UGGT2: variants seen among roughly 807,000 people sequenced by gnomAD.
The protein encoded by UGGT2 is UDP-glucose:glycoprotein glucosyltransferase 2.
A neutral mutation model predicts 192.1 loss-of-function variants in UGGT2; 180 were observed. That is an observed-to-expected ratio of 0.94 (90% CI 0.83 to 1.06). The LOEUF (loss-of-function observed/expected upper bound fraction) is 1.06. UGGT2 is among the 50% of genes least tolerant of loss of function. The probability of loss-of-function intolerance (pLI) is 0.00; values close to 1 mark genes in which losing one functional copy is unlikely to be tolerated. For synonymous variants in UGGT2, 580 were observed against 591.0 expected (o/e 0.98, Z 0.27); for missense variants, 1,849 against 1,795.7 (o/e 1.03, Z -0.54).
intron 26 of UGGT2, 128 bp downstream of exon 26, chr13:95,887,764 C>T (rs1421915294): frequency 4.9e-6 from 3 of 607,444 alleles, no homozygotes; most frequent in Non-Finnish European, 8.8e-6. Context: ...AATAGTCTGA[C>T]CTTCTGACTT....
At chr13:95,816,987 C>T (rs1884965431) in intron 38 of UGGT2, among the ~76,000 whole-genome samples, 2 of 152,088 alleles carry the variant, frequency 1.3e-5, no homozygotes, top group South Asian at 4.1e-4. Flanking sequence ...ATTATCCAGG[C>T]ATGTTGGCAC....
In UGGT2 at chr13:96,023,200, T is replaced by C. The variant is rs763713297; in HGVS notation, c.373-48A>G. ...TAGCTACAGCAGTTGATAATTACAA[T>C]ATGATTTTAAAACCCTCACACATTA... On this transcript the variant is annotated intron_variant, in intron 3 of 38. Transcript: ENST00000376747. 10 of 1,471,204 alleles carry C rather than the reference T, an allele frequency of 6.8e-6. No individual in the cohort carries two copies. In the African/African-American group the frequency reaches 8.5e-5, roughly 12 times the overall value. 91.1% of individuals were successfully genotyped at this position (1,471,204 alleles called of 1,614,324 possible).
intron 36 of UGGT2, among the ~76,000 whole-genome samples, chr13:95,842,424 T>C (rs1007214669): frequency 1.3e-5 from 2 of 152,222 alleles, no homozygotes. Context: ...CTTTTTACTA[T>C]TGAGTAGTAT....
chr13:95,930,899 A>G (rs1441690187), intron 17 of UGGT2, among the ~76,000 whole-genome samples: 1 of 152,184 alleles, frequency 6.6e-6, no homozygotes, highest in Non-Finnish European at 1.5e-5. Flanking sequence ...TGAGTGTTAC[A>G]GCTCTCAAAG....
Position 95,938,063 on chromosome 13 carries a change from C to T in UGGT2, c.1813-975G>A, listed in dbSNP as rs141274094. Among the ~76,000 whole-genome samples, 14 of 152,314 alleles carry T rather than the reference C, an allele frequency of 9.2e-5. 1 individual carries two copies. The highest frequency in any genetic ancestry group is 3.4e-4 in the African/African-American group (14 of 41,576). ...GGAATTTCCCTGCACAAGTTCTCTT[C>T]TCTTGTCTGCCATCATGTGAGACAT... On this transcript the variant is annotated intron_variant, in intron 16 of 38. Coordinates refer to ENST00000376747, the MANE Select transcript of UGGT2 (RefSeq NM_020121.4).
intron 5 of UGGT2, among the ~76,000 whole-genome samples, chr13:96,011,493 C>G (rs2052160738): frequency 6.6e-6 from 1 of 151,928 alleles, no homozygotes; most frequent in Non-Finnish European, 1.5e-5. Context: ...GTACCTAGAA[C>G]AGCTATAATA....
At chr13:95,845,494 T>C (rs539025644) in intron 36 of UGGT2, among the ~76,000 whole-genome samples, 1 of 151,364 alleles carries the variant, frequency 6.6e-6, no homozygotes, top group South Asian at 2.1e-4. Flanking sequence ...GGGGTAAGGT[T>C]ATAGATTAAC....
intron 2 of UGGT2, among the ~76,000 whole-genome samples, chr13:96,026,879 G>A (rs2052686249): frequency 6.6e-6 from 1 of 151,778 alleles, no homozygotes; most frequent in South Asian, 2.1e-4. Flanking sequence ...CACCTTGTTA[G>A]CCAGGATGGT....
At chr13:95,845,275 T>TA (rs1888280167) in intron 36 of UGGT2, among the ~76,000 whole-genome samples, 1 of 151,340 alleles carries the variant, frequency 6.6e-6, no homozygotes, top group African/African-American at 2.4e-5. Context: ...GGTCAGCAGA[T>TA]AAACTTGTGA....
intron 1 of UGGT2, among the ~76,000 whole-genome samples, chr13:96,032,998 A>T (rs561668015): frequency 7.9e-5 from 12 of 152,216 alleles, no homozygotes; most frequent in Non-Finnish European, 1.8e-4. Flanking sequence ...CCACAGGTAA[A>T]AACTTCTTCC....
chr13:95,940,559 C>A (rs570593408), intron 15 of UGGT2, among the ~76,000 whole-genome samples: 104 of 150,046 alleles, frequency 6.9e-4, no homozygotes, highest in Non-Finnish European at 1.2e-3. Context: ...CTCAAGCAAT[C>A]CTCCCACCTA....
In UGGT2 at chr13:95,837,140, C is replaced by A; in HGVS notation, c.4347G>T (p.Trp1449Cys). The A allele has an allele frequency of 6.2e-7, 1 of 1,614,028 alleles. No individual in the cohort carries two copies. The part of the protein sequence containing the change: ...AIKSLPQDWL[W>C]CETWCDDESK... ...ATTCATCATCACACCAGGTTTCACA[C>A]CACAGCCAGTCTTGAGGAAGAGACT... The change falls in exon 37 of 39, where the codon TGG (tryptophan) becomes TGT (cysteine). Residue 1449 changes from tryptophan (W) to cysteine (C), a missense_variant. Trp to Cys is a radical substitution (Grantham distance 215). Transcript: ENST00000376747.
At chr13:95,859,266 T>C (rs375670268) in intron 33 of UGGT2, among the ~76,000 whole-genome samples, 2 of 152,258 alleles carry the variant, frequency 1.3e-5, no homozygotes, top group East Asian at 3.9e-4. Flanking sequence ...TGCCTATCTT[T>C]GCAAAAATGA....
Position 95,884,683 on chromosome 13 carries a change from G to C in UGGT2, c.3039-3C>G, listed in dbSNP as rs751487138. On this transcript the variant is annotated splice_polypyrimidine_tract_variant and splice_region_variant and intron_variant, in intron 26 of 38. Transcript: ENST00000376747. ...GTTCCAGAACAAAACGGTAAAAGCT[G>C]TTAATAAAACATAAAAATACATAAT... The C allele has an allele frequency of 6.3e-7, 1 of 1,594,150 alleles. No individual in the cohort carries two copies. The highest frequency in any genetic ancestry group is 8.5e-7 in the Non-Finnish European group (1 of 1,173,048).
chr13:95,963,593 T>G (rs1048852636), intron 12 of UGGT2, among the ~76,000 whole-genome samples: 7 of 152,132 alleles, frequency 4.6e-5, no homozygotes, highest in East Asian at 1.9e-4. Context: ...AAGAGGAAGT[T>G]AAACTGTCCC....
At chr13:95,871,638 T>C (rs1030668016) in intron 29 of UGGT2, among the ~76,000 whole-genome samples, 1 of 152,218 alleles carries the variant, frequency 6.6e-6, no homozygotes, top group Non-Finnish European at 1.5e-5. Flanking sequence ...GAGTGCTTAC[T>C]GCCTCTGCAA....
intron 12 of UGGT2, among the ~76,000 whole-genome samples, chr13:95,953,771 A>C (rs1430514030): frequency 6.6e-6 from 1 of 152,176 alleles, no homozygotes; most frequent in Non-Finnish European, 1.5e-5. Context: ...CATTTGGAGA[A>C]AAAAGAATCA....
chr13:95,983,989 G>A (rs1467899036), intron 9 of UGGT2, 125 bp from the exon 10 acceptor site: 1 of 554,522 alleles, frequency 1.8e-6, no homozygotes, highest in African/African-American at 2.0e-5. Flanking sequence ...TGACTGAAAA[G>A]TATACATTTC....
chr13:95,887,964 C>T lies in UGGT2; in HGVS notation c.2966G>A (p.Gly989Asp), dbSNP rs1198068652. The T allele has an allele frequency of 1.9e-6, 3 of 1,595,840 alleles. No homozygotes were observed. Among genetic ancestry groups the T allele is most frequent in the Non-Finnish European group, 2.6e-6 (3 of 1,170,218 alleles). The change falls in exon 26 of 39, where the codon GGC becomes GAC. Residue 989 changes from glycine (G) to aspartate (D), a missense_variant. Coordinates refer to ENST00000376747, the MANE Select transcript of UGGT2 (RefSeq NM_020121.4). ...CTTTATCTTCATGTTGATAATCTTG[C>T]CAAGTACCTATTGGAAAGAAATTCC... Reference protein sequence around the residue: ...QKMAQLLVVLGKIINMKIKLF... With the variant: ...QKMAQLLVVLDKIINMKIKLF...
Sources: allele counts gnomAD v4.1 joint callset (sites outside exome capture counted in the v4.1 genomes callset), GRCh38; gene constraint gnomAD v4.1.1; transcripts MANE v1.5; gene names NCBI Gene and HGNC (gene_info 2026-07-23, HGNC 2026-07-21).